Variants in LRP1B observed in about 807,000 individuals in gnomAD.
The protein encoded by LRP1B is LDL receptor related protein 1B, also known as low-density lipoprotein receptor-related protein 1B.
In LRP1B, 217 loss-of-function variants were observed where a neutral mutation model predicts 556.6. That is an observed-to-expected ratio of 0.39 (90% CI 0.35 to 0.44). The LOEUF (loss-of-function observed/expected upper bound fraction) is 0.44, where lower values mean the gene tolerates loss of function less well. Among genes scored for constraint, LRP1B ranks in the 20% least tolerant of loss-of-function variants. LRP1B has a pLI of 1.00. For missense variants in LRP1B, 5,053 were observed against 5,620.8 expected, an observed-to-expected ratio of 0.90 and a Z score of 3.23; for synonymous variants, 2,047 against 1,865.8, an observed-to-expected ratio of 1.10 and a Z score of -2.50.
intron 3 of LRP1B, among the ~76,000 whole-genome samples, chr2:141,300,256 C>T (rs111245242): frequency 0.022 from 3,415 of 152,248 alleles, 69 homozygotes; most frequent in Non-Finnish European, 0.036. Context: ...ACTAAGACAA[C>T]TGCTTTGGAG....
intron 41 of LRP1B, among the ~76,000 whole-genome samples, chr2:140,694,838 T>G (rs966475096): frequency 6.6e-6 from 1 of 152,126 alleles, no homozygotes; most frequent in Admixed American, 6.5e-5. Context: ...AATATAATTT[T>G]TATTTTATCA....
chr2:140,650,303 TTTTATTTTTATTTATTTA>T lies in LRP1B; in HGVS notation c.6800-48682_6800-48665del, dbSNP rs1447557120. 3.8e-3 allele frequency among the ~76,000 whole-genome samples: 545 copies of T among 142,442 alleles called. 3 individuals carry two copies. The highest frequency in any genetic ancestry group is 0.013 in the African/African-American group (524 of 39,372). The allele number at this position is 142,442 out of a possible 152,430, so 93.4% of individuals were successfully genotyped here. On this transcript the variant is annotated intron_variant, in intron 41 of 90. Transcript: ENST00000389484. ...TAGAAAGTTAGTTAAATCACTTTAT[TTTTATTTTTATTTATTTA>T]TTTATTTATTTATTTATTTATTTAT... is the stretch of plus-strand genomic sequence containing the variant.
At chr2:141,385,053 C>G in intron 3 of LRP1B, among the ~76,000 whole-genome samples, 1 of 152,100 alleles carries the variant, frequency 6.6e-6, no homozygotes, top group East Asian at 1.9e-4. Flanking sequence ...CTCGGGGTAC[C>G]CGCTGGGTGG....
chr2:140,805,175 A>G (rs1343991217), intron 32 of LRP1B, among the ~76,000 whole-genome samples: 1 of 152,142 alleles, frequency 6.6e-6, no homozygotes, highest in Non-Finnish European at 1.5e-5. Context: ...ACTGATCCCC[A>G]TAGTAGCCAA....
chr2:140,839,461 C>A (rs1173670661), intron 31 of LRP1B, among the ~76,000 whole-genome samples: 1 of 152,166 alleles, frequency 6.6e-6, no homozygotes, highest in African/African-American at 2.4e-5. Flanking sequence ...ACCTAATCAG[C>A]TGCTAGCGTA....
chr2:140,551,514 A>G (rs1680547472), intron 43 of LRP1B, among the ~76,000 whole-genome samples: 1 of 152,178 alleles, frequency 6.6e-6, no homozygotes, highest in Non-Finnish European at 1.5e-5. Context: ...AAGGGCTAAT[A>G]TATAACACAT....
At chr2:141,511,270 T>C (rs1438618389) in intron 2 of LRP1B, among the ~76,000 whole-genome samples, 1 of 152,176 alleles carries the variant, frequency 6.6e-6, no homozygotes, top group Non-Finnish European at 1.5e-5. Flanking sequence ...TACAATCTTT[T>C]GTCTTCAATC....
chr2:140,976,987 A>G (rs373143075), intron 18 of LRP1B, among the ~76,000 whole-genome samples: 1 of 152,230 alleles, frequency 6.6e-6, no homozygotes. Flanking sequence ...TTTAAAAAGA[A>G]CAATCATACT....
intron 2 of LRP1B, among the ~76,000 whole-genome samples, chr2:141,671,888 T>G (rs1325942405): frequency 6.6e-6 from 1 of 152,030 alleles, no homozygotes; most frequent in Admixed American, 6.6e-5. Context: ...GAAGATCTCC[T>G]GTATCTCTTA....
At chr2:140,418,995 T>C (rs999287244) in intron 66 of LRP1B, among the ~76,000 whole-genome samples, 1 of 152,034 alleles carries the variant, frequency 6.6e-6, no homozygotes, top group African/African-American at 2.4e-5. Context: ...AAACCTGGCT[T>C]TGCCTATGGA....
At chr2:141,170,586 A>G (rs1296499893) in intron 7 of LRP1B, among the ~76,000 whole-genome samples, 2 of 152,116 alleles carry the variant, frequency 1.3e-5, no homozygotes, top group Admixed American at 1.3e-4. Context: ...CTGACTAGGC[A>G]TGGGAAAATA....
chr2:140,957,042 C>A (rs1695894810), intron 18 of LRP1B, among the ~76,000 whole-genome samples: 1 of 151,550 alleles, frequency 6.6e-6, no homozygotes, highest in Non-Finnish European at 1.5e-5. Context: ...TCTCATTTTT[C>A]AGAGTGCTTA....
intron 83 of LRP1B, among the ~76,000 whole-genome samples, chr2:140,306,228 G>A (rs1284633579): frequency 6.6e-6 from 1 of 151,870 alleles, no homozygotes; most frequent in Admixed American, 6.6e-5. Context: ...AGAAGGAATA[G>A]TACCAGCTCC....
At chr2:141,841,395 T>G (rs1226810448) in intron 1 of LRP1B, among the ~76,000 whole-genome samples, 1 of 152,208 alleles carries the variant, frequency 6.6e-6, no homozygotes, top group African/African-American at 2.4e-5. Flanking sequence ...AATGGATGTA[T>G]TTACATTTGC....
chr2:141,008,514 A>T (rs1461441631), intron 14 of LRP1B, among the ~76,000 whole-genome samples: 1 of 151,702 alleles, frequency 6.6e-6, no homozygotes, highest in Non-Finnish European at 1.5e-5. Flanking sequence ...AATTAGATCG[A>T]AAAAGACATA....
chr2:140,711,548 A>G (rs917029234), intron 37 of LRP1B, among the ~76,000 whole-genome samples: 40 of 151,436 alleles, frequency 2.6e-4, no homozygotes, highest in African/African-American at 9.0e-4. Flanking sequence ...CCTTTTTGGT[A>G]CATGTTTTCT....
intron 62 of LRP1B, among the ~76,000 whole-genome samples, chr2:140,454,416 G>C (rs1036003060): frequency 6.6e-6 from 1 of 152,250 alleles, no homozygotes; most frequent in African/African-American, 2.4e-5. Context: ...CTCCCAAAGT[G>C]CTGGGATTAC....
chr2:140,623,941 T>A (rs1683550634), intron 41 of LRP1B, among the ~76,000 whole-genome samples: 1 of 128,240 alleles, frequency 7.8e-6, no homozygotes, highest in South Asian at 2.5e-4. Context: ...AAAATATATA[T>A]TATATTTTAT....
intron 7 of LRP1B, among the ~76,000 whole-genome samples, chr2:141,113,241 T>C (rs1558869131): frequency 6.6e-6 from 1 of 152,102 alleles, no homozygotes; most frequent in Non-Finnish European, 1.5e-5. Flanking sequence ...AAGCACACAG[T>C]GAACCAAAGA....
Sources: allele counts gnomAD v4.1 joint callset (sites outside exome capture counted in the v4.1 genomes callset), GRCh38; gene constraint gnomAD v4.1.1; transcripts MANE v1.5; gene names NCBI Gene and HGNC (gene_info 2026-07-23, HGNC 2026-07-21).